The following CACNA2D3 variants were observed in gnomAD, a reference collection of about 807,000 sequenced individuals.
The protein encoded by CACNA2D3 is calcium voltage-gated channel auxiliary subunit alpha2delta 3.
CACNA2D3 carries 60 observed loss-of-function variants against 160.6 expected under a neutral mutation model. The observed-to-expected ratio is 0.37, with a 90% confidence interval of 0.30 to 0.46. The LOEUF (loss-of-function observed/expected upper bound fraction) is 0.46, where lower values mean the gene tolerates loss of function less well. Among genes scored for constraint, CACNA2D3 ranks in the 20% least tolerant of loss-of-function variants. The pLI is 1.00. For missense variants in CACNA2D3, 1,205 were observed against 1,365.0 expected (o/e 0.88, Z 1.85); for synonymous variants, 558 against 492.9 (o/e 1.13, Z -1.75).
chr3:54,334,217 G>A (rs1343118120), intron 3 of CACNA2D3, among the ~76,000 whole-genome samples: 3 of 151,624 alleles, frequency 2.0e-5, no homozygotes, highest in African/African-American at 7.3e-5. Flanking sequence ...CTCCCAAGTA[G>A]CTGGGATTAC....
chr3:54,880,938 A>G (rs1699782037), intron 21 of CACNA2D3, 75 bp downstream of exon 21: 2 of 1,281,726 alleles, frequency 1.6e-6, no homozygotes, highest in East Asian at 2.3e-5. Flanking sequence ...AGTTAGCTGA[A>G]GAACTTGTTC....
intron 3 of CACNA2D3, among the ~76,000 whole-genome samples, chr3:54,350,994 T>TG (rs1559457870): frequency 8.5e-6 from 1 of 117,710 alleles, no homozygotes; most frequent in Non-Finnish European, 1.8e-5. Flanking sequence ...TTGTTTTTTT[T>TG]TTTTTTTTTT....
At chr3:55,057,076 G>A (rs747801286) in intron 35 of CACNA2D3, among the ~76,000 whole-genome samples, 4 of 152,066 alleles carry the variant, frequency 2.6e-5, no homozygotes, top group Non-Finnish European at 2.9e-5. Context: ...GGAGGGACCC[G>A]GTGGGAGGTA....
chr3:54,967,878 A>G (rs1702185628), intron 27 of CACNA2D3, among the ~76,000 whole-genome samples: 1 of 152,208 alleles, frequency 6.6e-6, no homozygotes. Context: ...TTCACAGACA[A>G]AGAAAAAATT....
intron 2 of CACNA2D3, among the ~76,000 whole-genome samples, chr3:54,301,653 T>C (rs891021381): frequency 3.9e-5 from 6 of 152,188 alleles, no homozygotes; most frequent in Non-Finnish European, 2.9e-5. Context: ...AGTCCATGAT[T>C]TCCCGTACTG....
intron 2 of CACNA2D3, among the ~76,000 whole-genome samples, chr3:54,135,506 G>C (rs1470992572): frequency 1.3e-5 from 2 of 152,256 alleles, no homozygotes; most frequent in Non-Finnish European, 2.9e-5. Context: ...GCTGGGAAGT[G>C]AGAGTTATAT....
chr3:54,403,983 G>A (rs1219218273), intron 4 of CACNA2D3, among the ~76,000 whole-genome samples: 1 of 152,154 alleles, frequency 6.6e-6, no homozygotes, highest in East Asian at 1.9e-4. Context: ...CAAAGAGATT[G>A]AAGTAGTAAT....
chr3:55,031,142 C>T (rs1018483150), intron 35 of CACNA2D3, among the ~76,000 whole-genome samples: 3 of 152,172 alleles, frequency 2.0e-5, no homozygotes, highest in Middle Eastern at 3.2e-3. Context: ...GGAATGGAGG[C>T]GTGCAGAGCT....
chr3:54,838,570 A>T lies in CACNA2D3; in HGVS notation c.1473A>T (p.Arg491Ser). The T allele has an allele frequency of 1.2e-6, 2 of 1,611,692 alleles. No individual in the cohort carries two copies. Among genetic ancestry groups the T allele is most frequent in the Non-Finnish European group, 1.7e-6 (2 of 1,177,764 alleles). ...MPVFSKQNET[R>S]SKGILLGVVG... ...AATTCAATGTTTATTTTCGACAGAG[A>T]TCGAAGGGCATTCTTCTGGGAGTGG... The change falls in exon 16 of 38, where the codon AGA (arginine) becomes AGT (serine). Residue 491 changes from arginine (R) to serine (S), a missense_variant and splice_region_variant. Physicochemically the swap from Arg to Ser is moderately radical, Grantham distance 110. This residue lies in a region of CACNA2D3 where 911 missense variants were observed against 1,002.2 expected (regional missense o/e 0.91). Transcript: ENST00000474759.
intron 16 of CACNA2D3, among the ~76,000 whole-genome samples, chr3:54,842,028 C>A (rs1023972035): frequency 6.6e-6 from 1 of 152,188 alleles, no homozygotes; most frequent in African/African-American, 2.4e-5. Flanking sequence ...CCAAAATTAG[C>A]GATTTCATCA....
chr3:54,616,004 C>T (rs75469785), intron 9 of CACNA2D3, among the ~76,000 whole-genome samples: 1,697 of 152,314 alleles, frequency 0.011, 18 homozygotes, highest in East Asian at 0.032. Flanking sequence ...GGAACAATTT[C>T]ATCCTTCGCC....
At chr3:54,952,295 C>T (rs1015593026) in intron 27 of CACNA2D3, among the ~76,000 whole-genome samples, 1 of 152,186 alleles carries the variant, frequency 6.6e-6, no homozygotes, top group African/African-American at 2.4e-5. Context: ...CTAAGCCCCC[C>T]AGGGCTCTGA....
chr3:54,198,399 C>T (rs977289029), intron 2 of CACNA2D3, among the ~76,000 whole-genome samples: 9 of 152,240 alleles, frequency 5.9e-5, no homozygotes, highest in African/African-American at 7.2e-5. Flanking sequence ...GCCAGAGCCT[C>T]TGGCTTCCCG....
At chr3:54,680,290 A>C (rs979622485) in intron 11 of CACNA2D3, among the ~76,000 whole-genome samples, 1 of 152,256 alleles carries the variant, frequency 6.6e-6, no homozygotes, top group Non-Finnish European at 1.5e-5. Context: ...TGCTCAGCTC[A>C]ACAACACTTC....
At chr3:54,220,224 C>A (rs1701542253) in intron 2 of CACNA2D3, among the ~76,000 whole-genome samples, 1 of 151,930 alleles carries the variant, frequency 6.6e-6, no homozygotes, top group Admixed American at 6.6e-5. Flanking sequence ...CTGATAGCAC[C>A]AGTATTTTTC....
At chr3:54,362,187 C>T (rs1007498380) in intron 3 of CACNA2D3, among the ~76,000 whole-genome samples, 2 of 152,294 alleles carry the variant, frequency 1.3e-5, no homozygotes, top group Middle Eastern at 3.4e-3. Context: ...TTTTCCTGCT[C>T]ACTGTCTCAC....
intron 2 of CACNA2D3, among the ~76,000 whole-genome samples, chr3:54,221,983 G>A (rs1240376580): frequency 3.9e-5 from 6 of 152,074 alleles, no homozygotes; most frequent in Admixed American, 3.9e-4. Flanking sequence ...CAAAGTGTTG[G>A]GATAACAGGT....
At chr3:54,934,099 T>G (rs1393685729) in intron 27 of CACNA2D3, among the ~76,000 whole-genome samples, 1 of 152,186 alleles carries the variant, frequency 6.6e-6, no homozygotes, top group Non-Finnish European at 1.5e-5. Context: ...TTGATACAAA[T>G]TACAAAACAG....
At chr3:55,037,971 T>G (rs760552671) in intron 35 of CACNA2D3, among the ~76,000 whole-genome samples, 1 of 152,340 alleles carries the variant, frequency 6.6e-6, no homozygotes, top group South Asian at 2.1e-4. Context: ...GGTCTTGTCC[T>G]TGAGTCTGAG....
Sources: gnomAD v4.1 joint callset for allele counts (sites outside exome capture counted in the v4.1 genomes callset) on GRCh38, gnomAD v4.1.1 for gene constraint, gnomAD v4.1.1 regional missense constraint, MANE v1.5 for transcripts, NCBI Gene and HGNC (gene_info 2026-07-23, HGNC 2026-07-21) for gene names.